Variants in RHOU observed in about 807,000 individuals in gnomAD.
The protein encoded by RHOU is rho-related GTP-binding protein RhoU.
RHOU carries 8 observed loss-of-function variants against 12.6 expected under a neutral mutation model. The observed-to-expected ratio is 0.64, with a 90% CI of 0.37 to 1.15. The LOEUF is 1.15. Ranked by LOEUF, RHOU falls within the 50% of genes most tolerant of loss-of-function variation. The pLI, the probability that RHOU is intolerant of heterozygous loss-of-function variation, is 0.01. For synonymous variants in RHOU, 161 were observed against 147.4 expected (o/e 1.09, Z -0.67); for missense variants, 258 against 347.0 (o/e 0.74, Z 2.04).
the RHOU span, among the ~76,000 whole-genome samples, chr1:228,707,161 TAC>T: frequency 1.1e-4 from 13 of 122,012 alleles, 1 homozygote; most frequent in African/African-American, 3.9e-4. Flanking sequence ...TATATACACA[TAC>T]ACACACATAT....
At chr1:228,729,718 C>T in the RHOU span, among the ~76,000 whole-genome samples, 2 of 152,220 alleles carry the variant, frequency 1.3e-5, no homozygotes, top group South Asian at 2.1e-4. Flanking sequence ...CAGCATAGTA[C>T]AGCCTAATCT....
At chr1:228,707,919 A>G in the RHOU span, among the ~76,000 whole-genome samples, 16 of 152,206 alleles carry the variant, frequency 1.1e-4, no homozygotes, top group Non-Finnish European at 2.2e-4. Context: ...AAAAAAATTT[A>G]GAAGAATATA....
At chr1:228,687,298 CTT>C in the RHOU span, 12 of 558,234 alleles carry the variant, frequency 2.1e-5, no homozygotes, top group Middle Eastern at 4.8e-4. Flanking sequence ...TTATCCCTTT[CTT>C]TTTTTTTTGG....
rs1662810403 is a variant in RHOU at position 228,745,507 on chromosome 1, T to C, written c.*1767T>C. 6.6e-6 allele frequency: 1 copy of C among 152,248 alleles called. No homozygotes were observed. The highest frequency in any genetic ancestry group is 1.5e-5 in the Non-Finnish European group (1 of 68,052). The allele number at this position is 152,248 out of a possible 1,614,324, so 9.4% of individuals were successfully genotyped here. A position where few individuals can be genotyped will look rare whatever the true frequency, so the allele number is the denominator to read the frequency against. On this transcript the variant is annotated 3_prime_UTR_variant, in exon 3 of 3. Coordinates refer to ENST00000366691, the MANE Select transcript of RHOU (RefSeq NM_021205.6). The stretch of plus-strand genomic sequence containing the variant: ...GGTTAGGGGTTCTATTTATTCCTGT[T>C]AGTAAATAAAATTAACAAATTTCTT...
the RHOU span, among the ~76,000 whole-genome samples, chr1:228,669,677 A>G: frequency 1.8e-4 from 27 of 152,148 alleles, no homozygotes; most frequent in Non-Finnish European, 3.5e-4. Context: ...TCTTAGACCT[A>G]TGGTGTGTCA....
chr1:228,729,075 C>G, the RHOU span, among the ~76,000 whole-genome samples: 3 of 151,920 alleles, frequency 2.0e-5, no homozygotes, highest in African/African-American at 7.3e-5. Context: ...TTTATATTTT[C>G]AGTAGAGTCG....
chr1:228,742,541 G>A (rs7545235), intron 2 of RHOU, among the ~76,000 whole-genome samples: 14,745 of 152,280 alleles, frequency 0.097, 775 homozygotes, highest in Middle Eastern at 0.22. Context: ...GATAAAGGAA[G>A]TAGGAGAAAA....
At chr1:228,695,292 T>C in the RHOU span, among the ~76,000 whole-genome samples, 1 of 152,176 alleles carries the variant, frequency 6.6e-6, no homozygotes, top group Non-Finnish European at 1.5e-5. Context: ...TTTTGCCTAG[T>C]AAAAACACAA....
the RHOU span, among the ~76,000 whole-genome samples, chr1:228,688,039 C>T: frequency 4.6e-5 from 7 of 150,838 alleles, no homozygotes; most frequent in Non-Finnish European, 1.0e-4. Flanking sequence ...ACCCCACCCT[C>T]ACCCCACAAA....
chr1:228,690,451 G>A, the RHOU span, among the ~76,000 whole-genome samples: 1 of 151,640 alleles, frequency 6.6e-6, no homozygotes, highest in Non-Finnish European at 1.5e-5. Context: ...TCAGCCTCCT[G>A]AGTAGCTGGG....
At chr1:228,680,412 C>T in the RHOU span, among the ~76,000 whole-genome samples, 2 of 152,130 alleles carry the variant, frequency 1.3e-5, no homozygotes, top group Non-Finnish European at 2.9e-5. Context: ...ACAAGGTCCA[C>T]GAGGATGTTT....
At chr1:228,695,369 C>T in the RHOU span, among the ~76,000 whole-genome samples, 2 of 152,172 alleles carry the variant, frequency 1.3e-5, no homozygotes, top group African/African-American at 2.4e-5. Flanking sequence ...CAATCTCTCA[C>T]ATACCAGCAA....
upstream of RHOU, among the ~76,000 whole-genome samples, chr1:228,733,516 A>G (rs1482112000): frequency 6.6e-6 from 1 of 152,238 alleles, no homozygotes; most frequent in Non-Finnish European, 1.5e-5. Context: ...CATGTTGGCC[A>G]AGCTGGTCTC....
At chr1:228,740,200 A>G (rs1009798137) in intron 2 of RHOU, among the ~76,000 whole-genome samples, 1 of 152,236 alleles carries the variant, frequency 6.6e-6, no homozygotes, top group African/African-American at 2.4e-5. Flanking sequence ...TTTGCACAAA[A>G]AAGTTTATAA....
chr1:228,657,708 G>A, the RHOU span, among the ~76,000 whole-genome samples: 10 of 152,280 alleles, frequency 6.6e-5, no homozygotes, highest in South Asian at 8.3e-4. Context: ...TCTATATCCA[G>A]CAGCTGCAAT....
At position 228,744,234 on chromosome 1, in the gene RHOU, A is replaced by G. The variant is rs1023133793; in HGVS notation, c.*494A>G. ...ACCATGCCTTTTTTTTAAGGAGCAA[A>G]AATCTGAGAAAAAAAGTGAGAGACC... On this transcript the variant is annotated 3_prime_UTR_variant, in exon 3 of 3. Transcript: ENST00000366691. 1 of 152,458 alleles carries G rather than the reference A, an allele frequency of 6.6e-6. No homozygotes were observed. Among genetic ancestry groups the G allele is most frequent in the African/African-American group, 2.4e-5 (1 of 41,416 alleles). 9.4% of individuals were successfully genotyped at this position (152,458 alleles called of 1,614,324 possible).
At chr1:228,672,508 C>A in the RHOU span, among the ~76,000 whole-genome samples, 12 of 152,118 alleles carry the variant, frequency 7.9e-5, no homozygotes, top group African/African-American at 2.7e-4. Context: ...CAAAGTTAAA[C>A]CTTTGTAACT....
At chr1:228,647,121 C>A in the RHOU span, among the ~76,000 whole-genome samples, 4 of 152,262 alleles carry the variant, frequency 2.6e-5, no homozygotes, top group East Asian at 3.9e-4. Context: ...TTGAGCAGTC[C>A]GGAATAGGGT....
At chr1:228,702,893 G>A in the RHOU span, among the ~76,000 whole-genome samples, 3 of 152,080 alleles carry the variant, frequency 2.0e-5, no homozygotes, top group African/African-American at 7.2e-5. Flanking sequence ...CATACTATCA[G>A]TCTTAGAACT....
Sources: gnomAD v4.1 joint callset for allele counts (sites outside exome capture counted in the v4.1 genomes callset) on GRCh38, gnomAD v4.1.1 for gene constraint, MANE v1.5 for transcripts, NCBI Gene and HGNC (gene_info 2026-07-23, HGNC 2026-07-21) for gene names.